Variants in COMMD6 observed in about 807,000 individuals in gnomAD.
The protein encoded by COMMD6 is COMM domain-containing protein 6.
Under a neutral mutation model 13.4 loss-of-function variants are expected in COMMD6, and 11 were observed. The ratio of observed to expected loss-of-function variants is 0.82; its 90% CI spans 0.52 to 1.36. The LOEUF is 1.36. Ranked by LOEUF, COMMD6 falls within the 40% of genes most tolerant of loss-of-function variation. The pLI, the probability that COMMD6 is intolerant of heterozygous loss-of-function variation, is 0.00. For missense variants in COMMD6, 124 were observed against 102.4 expected (o/e 1.21, Z -0.91); for synonymous variants, 43 against 36.5 (o/e 1.18, Z -0.64).
chr13:75,543,794 A>G (rs1442808397), upstream of COMMD6, among the ~76,000 whole-genome samples: 1 of 152,220 alleles, frequency 6.6e-6, no homozygotes, highest in East Asian at 1.9e-4. Flanking sequence ...GATAAATCCT[A>G]GATGCTATTG....
At chr13:75,529,104 C>T (rs952837243) in intron 3 of COMMD6, among the ~76,000 whole-genome samples, 6 of 152,120 alleles carry the variant, frequency 3.9e-5, no homozygotes, top group South Asian at 2.1e-4. Context: ...GTACTAACTT[C>T]GTACTAGTGT....
At position 75,525,850 on chromosome 13, in the gene COMMD6, T is replaced by C. The variant is rs2030228018; in HGVS notation, c.*739A>G. 6.6e-6 allele frequency: 1 copy of C among 152,252 alleles called. No individual in the cohort carries two copies. The highest frequency in any genetic ancestry group is 1.5e-5 in the Non-Finnish European group (1 of 68,044). The allele number at this position is 152,252 out of a possible 1,614,324, so 9.4% of individuals were successfully genotyped here. A position where few individuals can be genotyped will look rare whatever the true frequency, so the allele number is the denominator to read the frequency against. ...TTACTTCTAAACAAATGCCATACAA[T>C]GTGGTGGCTTTATAGTATAAAAGCG... On this transcript the variant is annotated 3_prime_UTR_variant, in exon 4 of 4. Transcript: ENST00000682242.
At chr13:75,532,802 C>A (rs2030529492) in intron 2 of COMMD6, among the ~76,000 whole-genome samples, 1 of 152,172 alleles carries the variant, frequency 6.6e-6, no homozygotes. Context: ...TAATTCCTTG[C>A]AAATTGAGCT....
At chr13:75,542,750 T>G (rs2030846355), upstream of COMMD6, among the ~76,000 whole-genome samples, 1 of 152,166 alleles carries the variant, frequency 6.6e-6, no homozygotes, top group Non-Finnish European at 1.5e-5. Context: ...TCCTTAAAGA[T>G]GAAAGGTAGA....
chr13:75,533,570 G>GGAAA, intron 2 of COMMD6, among the ~76,000 whole-genome samples: 1 of 131,056 alleles, frequency 7.6e-6, no homozygotes. Flanking sequence ...CCCCAAATCT[G>GGAAA]AAAAAAAAAA....
chr13:75,527,360 T>C (rs569851255), intron 3 of COMMD6, among the ~76,000 whole-genome samples: 3 of 152,350 alleles, frequency 2.0e-5, no homozygotes, highest in East Asian at 1.9e-4. Context: ...TTTTAATTTA[T>C]ATGCAAATTT....
upstream of COMMD6, among the ~76,000 whole-genome samples, chr13:75,539,326 C>T (rs2030783354): frequency 6.6e-6 from 1 of 151,978 alleles, no homozygotes; most frequent in Non-Finnish European, 1.5e-5. Context: ...GCAACCTCTG[C>T]CTCCCAGGTT....
In COMMD6 at chr13:75,525,766, G is replaced by A. The variant is rs1039895459; in HGVS notation, c.*823C>T. On this transcript the variant is annotated 3_prime_UTR_variant, in exon 4 of 4. Coordinates refer to ENST00000682242, the MANE Select transcript of COMMD6 (RefSeq NM_203495.4). ...AGAGGGTTTAAATTTCTAATATGGCGGACCAGAATGTCTTGATCTATTTCT... is the reference window on the plus strand; with the variant it reads ...AGAGGGTTTAAATTTCTAATATGGCAGACCAGAATGTCTTGATCTATTTCT... 4 of 152,318 alleles carry A rather than the reference G, an allele frequency of 2.6e-5. No homozygotes were observed. The South Asian group carries it at 8.3e-4, about 32-fold the overall frequency. The allele number at this position is 152,318 out of a possible 1,614,324, so 9.4% of individuals were successfully genotyped here. A position where few individuals can be genotyped will look rare whatever the true frequency, so the allele number is the denominator to read the frequency against.
chr13:75,532,294 T>G (rs549956310), intron 2 of COMMD6, among the ~76,000 whole-genome samples: 7 of 152,222 alleles, frequency 4.6e-5, no homozygotes, highest in Non-Finnish European at 1.5e-5. Context: ...GAGAGAGCAA[T>G]GTAAGTCAGT....
At chr13:75,528,103 C>A (rs1209532765) in intron 3 of COMMD6, among the ~76,000 whole-genome samples, 1 of 151,082 alleles carries the variant, frequency 6.6e-6, no homozygotes, top group Non-Finnish European at 1.5e-5. Context: ...ATTAGAGTGA[C>A]TGTGGTAATC....
At position 75,537,747 on chromosome 13, in the gene COMMD6, T is replaced by A; in HGVS notation, c.42+17A>T. On this transcript the variant is annotated intron_variant, in intron 1 of 3. Coordinates refer to ENST00000682242, the MANE Select transcript of COMMD6 (RefSeq NM_203495.4). ...CCAGAGCCTCGCTGCCCACTCTCCT[T>A]CCAGGTTGGAACTCACATCGGACTT... The A allele has an allele frequency of 3.1e-6, 5 of 1,613,814 alleles. No individual in the cohort carries two copies. Among genetic ancestry groups the A allele is most frequent in the Non-Finnish European group, 4.2e-6 (5 of 1,179,870 alleles).
At chr13:75,547,248 C>T (rs146315322) in intron 1 of COMMD6, among the ~76,000 whole-genome samples, 1,627 of 152,056 alleles carry the variant, frequency 0.011, 13 homozygotes, top group Non-Finnish European at 0.018. Flanking sequence ...AGAGGACTCT[C>T]GTTTCCAGTA....
At position 75,525,307 on chromosome 13, in the gene COMMD6, G is replaced by C. The variant is rs1449618167; in HGVS notation, c.*1282C>G. 2 of 152,202 alleles carry C rather than the reference G, an allele frequency of 1.3e-5. No individual in the cohort carries two copies. Among genetic ancestry groups the C allele is most frequent in the African/African-American group, 4.8e-5 (2 of 41,438 alleles). The allele number at this position is 152,202 out of a possible 1,614,324, so 9.4% of individuals were successfully genotyped here. A position where few individuals can be genotyped will look rare whatever the true frequency, so the allele number is the denominator to read the frequency against. On this transcript the variant is annotated 3_prime_UTR_variant, in exon 4 of 4. Transcript: ENST00000682242. ...CTTTTTGCATATTGCCTTAAACCTAGAAATGCTACCCTGCAAACAGGGAAG... is the reference window on the plus strand; with the variant it reads ...CTTTTTGCATATTGCCTTAAACCTACAAATGCTACCCTGCAAACAGGGAAG...
chr13:75,526,456 A>G lies in COMMD6; in HGVS notation c.*133T>C. The G allele has an allele frequency of 1.5e-6, 1 of 662,456 alleles. No individual in the cohort carries two copies. The highest frequency in any genetic ancestry group is 2.6e-6 in the Non-Finnish European group (1 of 383,158). The allele number at this position is 662,456 out of a possible 1,614,324, so 41.0% of individuals were successfully genotyped here. On this transcript the variant is annotated 3_prime_UTR_variant, in exon 4 of 4. Transcript: ENST00000682242. ...CCCAGTTCCTGTTTGTCTGATTTTT[A>G]TTATTTAAAAAAATGGAAAAACAAA...
At chr13:75,532,046 A>T (rs903454229) in intron 2 of COMMD6, among the ~76,000 whole-genome samples, 4 of 152,222 alleles carry the variant, frequency 2.6e-5, no homozygotes, top group Non-Finnish European at 4.4e-5. Flanking sequence ...AAACAAGTCC[A>T]AAAGTTATGA....
At chr13:75,529,355 C>G (rs2030382353) in intron 3 of COMMD6, among the ~76,000 whole-genome samples, 1 of 152,024 alleles carries the variant, frequency 6.6e-6, no homozygotes, top group Admixed American at 6.6e-5. Flanking sequence ...CCCATCTCTA[C>G]TAAAAATACA....
intron 3 of COMMD6, chr13:75,527,795 TA>T: frequency 4.7e-6 from 7 of 1,478,124 alleles, no homozygotes; most frequent in South Asian, 1.5e-5. Flanking sequence ...ATGTGGAATC[TA>T]AAAAAGTCAA....
intron 2 of COMMD6, among the ~76,000 whole-genome samples, chr13:75,533,737 A>G (rs2030571660): frequency 6.6e-6 from 1 of 152,186 alleles, no homozygotes; most frequent in African/African-American, 2.4e-5. Context: ...TGCCTACAAG[A>G]TACAACTATA....
rs114689230 is a variant in COMMD6 at position 75,529,835 on chromosome 13, C to T, written c.207+279G>A. On this transcript the variant is annotated intron_variant, in intron 3 of 3. Transcript: ENST00000682242. ...ATTTAAATGCAAAGTAAATATCCTG[C>T]CATTGAAGATAAAACTTTCCTAAAT... The T allele has an allele frequency of 4.4e-3, 1,214 of 274,178 alleles. 11 individuals carry two copies. Among genetic ancestry groups the T allele is most frequent in the African/African-American group, 0.023 (1,057 of 45,678 alleles). The allele number at this position is 274,178 out of a possible 1,614,324, so 17.0% of individuals were successfully genotyped here.
Sources: allele counts gnomAD v4.1 joint callset (sites outside exome capture counted in the v4.1 genomes callset), GRCh38; gene constraint gnomAD v4.1.1; transcripts MANE v1.5; gene names NCBI Gene and HGNC (gene_info 2026-07-23, HGNC 2026-07-21).